The following SDK1 variants were observed in gnomAD, a reference collection of about 807,000 sequenced individuals.
The protein encoded by SDK1 is protein sidekick-1.
In SDK1, 157 loss-of-function variants were observed where a neutral mutation model predicts 245.5. The ratio of observed to expected loss-of-function variants is 0.64; its 90% CI spans 0.56 to 0.73. The LOEUF (loss-of-function observed/expected upper bound fraction) is 0.73. Ranked by LOEUF, SDK1 falls within the 30% of genes least tolerant of loss-of-function variation. The probability of loss-of-function intolerance (pLI) is 0.00; values close to 1 mark genes in which losing one functional copy is unlikely to be tolerated. For missense variants in SDK1, 3,583 were observed against 3,002.3 expected, an observed-to-expected ratio of 1.19 and a Z score of -4.52; for synonymous variants, 1,647 against 1,278.5, an observed-to-expected ratio of 1.29 and a Z score of -6.15.
At chr7:3,960,603 C>CT (rs1781599064) in intron 8 of SDK1, among the ~76,000 whole-genome samples, 1 of 152,228 alleles carries the variant, frequency 6.6e-6, no homozygotes, top group Non-Finnish European at 1.5e-5. Context: ...ACCCACCGTG[C>CT]TTTGTAACCA....
At chr7:3,660,271 A>G (rs934140107) in intron 4 of SDK1, among the ~76,000 whole-genome samples, 9 of 152,092 alleles carry the variant, frequency 5.9e-5, no homozygotes, top group African/African-American at 2.2e-4. Flanking sequence ...CCAGAAAGGG[A>G]TGGGGTAGCC....
At chr7:3,705,773 T>C (rs1311522355) in intron 4 of SDK1, among the ~76,000 whole-genome samples, 1 of 152,092 alleles carries the variant, frequency 6.6e-6, no homozygotes, top group Non-Finnish European at 1.5e-5. Flanking sequence ...CTGATTCCTC[T>C]GGCTAGGACT....
rs117671959 is a variant in SDK1, at chr7:3,592,941, C to A, written c.299-26139C>A. 2.6e-5 allele frequency among the ~76,000 whole-genome samples: 4 copies of A among 152,298 alleles called. No homozygotes were observed. The East Asian group carries it at 7.7e-4, about 29-fold the overall frequency. On this transcript the variant is annotated intron_variant, in intron 1 of 44. Coordinates refer to ENST00000404826, the MANE Select transcript of SDK1 (RefSeq NM_152744.4). ...TCCTTGTCCTCCTGCCCTCTGCAGG[C>A]TTGCAGGGCATTGGGCAGCTGGGAC...
intron 1 of SDK1, among the ~76,000 whole-genome samples, chr7:3,379,300 C>T (rs527761886): frequency 1.3e-5 from 2 of 152,088 alleles, no homozygotes; most frequent in Non-Finnish European, 2.9e-5. Flanking sequence ...TTTGCACACA[C>T]GTAGTTCTTG....
At chr7:4,261,207 C>T (rs981989724) in intron 44 of SDK1, among the ~76,000 whole-genome samples, 2 of 152,124 alleles carry the variant, frequency 1.3e-5, no homozygotes, top group Admixed American at 6.5e-5. Context: ...AGGTGCCGGA[C>T]GGTGTCGGCT....
chr7:4,065,242 G>A (rs1779798667), intron 19 of SDK1, among the ~76,000 whole-genome samples: 1 of 152,168 alleles, frequency 6.6e-6, no homozygotes, highest in Non-Finnish European at 1.5e-5. Flanking sequence ...TCGGGTGCTG[G>A]AGAAACGGCC....
At chr7:3,720,259 AAAC>A (rs1015309752) in intron 4 of SDK1, among the ~76,000 whole-genome samples, 6 of 152,176 alleles carry the variant, frequency 3.9e-5, no homozygotes, top group African/African-American at 1.4e-4. Flanking sequence ...CTGTGTCAAA[AAAC>A]AACAACAAAA....
At chr7:3,654,482 A>T (rs1347953960) in intron 4 of SDK1, among the ~76,000 whole-genome samples, 1 of 152,200 alleles carries the variant, frequency 6.6e-6, no homozygotes, top group Non-Finnish European at 1.5e-5. Context: ...AGGTAGTGCG[A>T]TAAAGGGTTA....
chr7:3,625,567 C>T (rs180870340), intron 2 of SDK1, among the ~76,000 whole-genome samples: 1 of 152,302 alleles, frequency 6.6e-6, no homozygotes, highest in Admixed American at 6.5e-5. Flanking sequence ...AGTTGGCAGT[C>T]ACTCTAAGTG....
chr7:4,170,743 C>G (rs774487479), intron 32 of SDK1, among the ~76,000 whole-genome samples: 2 of 152,140 alleles, frequency 1.3e-5, no homozygotes, highest in Admixed American at 1.3e-4. Context: ...AACATGAACC[C>G]CATCAACACC....
intron 17 of SDK1, among the ~76,000 whole-genome samples, chr7:4,020,120 C>T (rs576542941): frequency 2.6e-4 from 40 of 152,112 alleles, no homozygotes; most frequent in Non-Finnish European, 4.7e-4. Flanking sequence ...GTCTCGGAGA[C>T]GCCGGGCACC....
rs1314076674 is a variant in SDK1 at position 4,178,570 on chromosome 7, C to A, written c.5082C>A (p.Val1694=). Residue 1694 remains valine, a synonymous_variant, in exon 35 of 45, where the codon GTC becomes GTA. Transcript: ENST00000404826. The part of the protein sequence containing the change: ...GESPASAPVE[V]FVGEAAPAMA... ...GCCCAGCCAGCGCGCCCGTGGAGGTCTTTGTCGGCGAGGCTGGTAAGCTCC... is the reference window on the plus strand; with the variant it reads ...GCCCAGCCAGCGCGCCCGTGGAGGTATTTGTCGGCGAGGCTGGTAAGCTCC... The A allele has an allele frequency of 3.7e-6, 6 of 1,611,642 alleles. No individual in the cohort carries two copies. Among genetic ancestry groups the A allele is most frequent in the Non-Finnish European group, 5.1e-6 (6 of 1,179,720 alleles).
At chr7:3,362,383 G>A (rs970775095) in intron 1 of SDK1, among the ~76,000 whole-genome samples, 3 of 151,992 alleles carry the variant, frequency 2.0e-5, no homozygotes, top group Non-Finnish European at 4.4e-5. Flanking sequence ...TTTTGTTATC[G>A]TGGTGATCTT....
chr7:3,895,278 G>A (rs963710585), intron 5 of SDK1, among the ~76,000 whole-genome samples: 9 of 152,082 alleles, frequency 5.9e-5, no homozygotes, highest in African/African-American at 2.2e-4. Flanking sequence ...ACTTTTGTAT[G>A]ACCATTCATA....
At chr7:3,883,741 A>G (rs1781264917) in intron 5 of SDK1, among the ~76,000 whole-genome samples, 1 of 128,106 alleles carries the variant, frequency 7.8e-6, no homozygotes, top group Non-Finnish European at 1.6e-5. Context: ...AGGGATCATC[A>G]CTCTTCCTCC....
chr7:3,491,572 T>G (rs1217042025), intron 1 of SDK1, among the ~76,000 whole-genome samples: 7 of 152,244 alleles, frequency 4.6e-5, no homozygotes, highest in Non-Finnish European at 1.0e-4. Flanking sequence ...CTATAGAAAT[T>G]ACCTATTTTG....
At chr7:3,534,202 A>G (rs565602745) in intron 1 of SDK1, among the ~76,000 whole-genome samples, 1 of 152,290 alleles carries the variant, frequency 6.6e-6, no homozygotes, top group Admixed American at 6.5e-5. Flanking sequence ...AGTCTCAACC[A>G]TCTTGTCACA....
At chr7:3,603,157 C>T (rs1170833702) in intron 1 of SDK1, among the ~76,000 whole-genome samples, 18 of 143,408 alleles carry the variant, frequency 1.3e-4, no homozygotes, top group East Asian at 2.0e-4. Flanking sequence ...ATTGACTTGG[C>T]GATGCGGGCT....
intron 14 of SDK1, among the ~76,000 whole-genome samples, chr7:3,992,416 G>GT (rs1784398647): frequency 1.3e-5 from 2 of 152,192 alleles, no homozygotes; most frequent in Admixed American, 1.3e-4. Flanking sequence ...AGGGGCAGTA[G>GT]TGTCCTAGGC....
Sources: allele counts gnomAD v4.1 joint callset (sites outside exome capture counted in the v4.1 genomes callset), GRCh38; gene constraint gnomAD v4.1.1; transcripts MANE v1.5; gene names NCBI Gene and HGNC (gene_info 2026-07-23, HGNC 2026-07-21).